The following GLCE variants were observed in gnomAD, a reference collection of about 807,000 sequenced individuals.
GLCE encodes D-glucuronyl C5-epimerase.
In GLCE, 19 loss-of-function variants were observed where a neutral mutation model predicts 47.9. That is an observed-to-expected ratio of 0.40 (90% CI 0.28 to 0.58). The LOEUF (loss-of-function observed/expected upper bound fraction) is 0.58. Among genes scored for constraint, GLCE ranks in the 20% least tolerant of loss-of-function variants. GLCE has a pLI of 0.48. For missense variants in GLCE, 556 were observed against 743.3 expected (o/e 0.75, Z 2.93); for synonymous variants, 245 against 263.4 (o/e 0.93, Z 0.68).
At chr15:69,260,251 GGTTTTTTTTTTTT>G (rs2052993150) in intron 3 of GLCE, among the ~76,000 whole-genome samples, 1 of 122,656 alleles carries the variant, frequency 8.2e-6, no homozygotes, top group Admixed American at 9.5e-5. Flanking sequence ...AGTCACAACT[GGTTTTTTTTTTTT>G]TTTTTTTTTT....
At chr15:69,207,581 G>C (rs2052169674) in intron 1 of GLCE, among the ~76,000 whole-genome samples, 1 of 152,030 alleles carries the variant, frequency 6.6e-6, no homozygotes, top group Non-Finnish European at 1.5e-5. Flanking sequence ...GAATCAAATA[G>C]TTCATTCCTT....
At position 69,256,382 on chromosome 15, in the gene GLCE, T is replaced by G. The variant is rs1281666763; in HGVS notation, c.576T>G (p.Ser192Arg). The G allele has an allele frequency of 6.2e-7, 1 of 1,607,602 alleles. No homozygotes were observed. Among genetic ancestry groups the G allele is most frequent in the Non-Finnish European group, 8.5e-7 (1 of 1,176,248 alleles). ...TCCGAGACAGAGTCAAGTGCATAAG[T>G]GGGGTTGAAGGTTGGTATCTGTCTG... ...VEVRDRVKCI[S>R]GVEGVPLSTQ... The change falls in exon 3 of 5, where the codon AGT becomes AGG. Residue 192 changes from serine to arginine, a missense_variant. Ser to Arg is a moderately radical substitution (Grantham distance 110, BLOSUM62 -1). Transcript: ENST00000261858.
At chr15:69,182,970 G>T (rs1389653950) in intron 1 of GLCE, among the ~76,000 whole-genome samples, 9 of 152,132 alleles carry the variant, frequency 5.9e-5, no homozygotes, top group African/African-American at 2.2e-4. Context: ...CTGCACTCCA[G>T]CCTGGGCGAC....
At chr15:69,226,190 T>C (rs1041079424) in intron 2 of GLCE, among the ~76,000 whole-genome samples, 1 of 152,220 alleles carries the variant, frequency 6.6e-6, no homozygotes, top group Non-Finnish European at 1.5e-5. Flanking sequence ...TGAGTTAGAA[T>C]TGAGTATTTG....
intron 1 of GLCE, among the ~76,000 whole-genome samples, chr15:69,195,329 T>C (rs762482955): frequency 4.6e-5 from 7 of 152,058 alleles, no homozygotes; most frequent in Non-Finnish European, 8.8e-5. Flanking sequence ...TTAAAATCAC[T>C]GATAGCTTAG....
At chr15:69,206,623 C>T (rs2052155900) in intron 1 of GLCE, among the ~76,000 whole-genome samples, 1 of 151,904 alleles carries the variant, frequency 6.6e-6, no homozygotes, top group South Asian at 2.1e-4. Flanking sequence ...GTGTTGGTCC[C>T]TGTATTCCTT....
At position 69,269,920 on chromosome 15, in the gene GLCE, A is replaced by G. The variant is rs745460408; in HGVS notation, c.*676A>G. The G allele has an allele frequency of 1.3e-5, 2 of 152,652 alleles. No homozygotes were observed. The highest frequency in any genetic ancestry group is 2.9e-5 in the Non-Finnish European group (2 of 68,036). The allele number at this position is 152,652 out of a possible 1,614,324, so 9.5% of individuals were successfully genotyped here. On this transcript the variant is annotated 3_prime_UTR_variant, in exon 5 of 5. Transcript: ENST00000261858. ...CTAAAATGAAACTTGTTGACTGCAC[A>G]AGAAATTACAAAAATGTTTCTGTTT... is the stretch of plus-strand genomic sequence containing the variant.
chr15:69,209,524 C>G (rs1353151220), intron 1 of GLCE, among the ~76,000 whole-genome samples: 2 of 152,078 alleles, frequency 1.3e-5, no homozygotes, highest in Non-Finnish European at 2.9e-5. Context: ...CACATGTGTA[C>G]CACCCATTGC....
At chr15:69,171,940 G>A (rs76046205) in intron 1 of GLCE, among the ~76,000 whole-genome samples, 1,769 of 152,124 alleles carry the variant, frequency 0.012, 32 homozygotes, top group African/African-American at 0.041. Flanking sequence ...TTTGTCAGAG[G>A]GAAGAGATCA....
At chr15:69,268,122 T>C (rs1356267133) in intron 4 of GLCE, 98 bp from the exon 5 acceptor site, 2 of 685,992 alleles carry the variant, frequency 2.9e-6, no homozygotes, top group African/African-American at 3.6e-5. Flanking sequence ...GTGTTAATTT[T>C]GTGCGGTCAG....
chr15:69,174,869 G>A (rs1215606248), intron 1 of GLCE, among the ~76,000 whole-genome samples: 1 of 151,770 alleles, frequency 6.6e-6, no homozygotes, highest in Non-Finnish European at 1.5e-5. Context: ...AAGTCATCTC[G>A]GGTTCTTCTA....
At chr15:69,261,530 A>G (rs997262859) in intron 4 of GLCE, among the ~76,000 whole-genome samples, 1 of 152,206 alleles carries the variant, frequency 6.6e-6, no homozygotes, top group African/African-American at 2.4e-5. Context: ...AGGAATATTT[A>G]CTATGTAAAG....
At position 69,267,094 on chromosome 15, in the gene GLCE, T is replaced by C. The variant is rs551592027; in HGVS notation, c.830-1126T>C. 2.0e-5 allele frequency among the ~76,000 whole-genome samples: 3 copies of C among 152,366 alleles called. No individual in the cohort carries two copies. In the South Asian group the frequency reaches 6.2e-4, roughly 32 times the overall value. On this transcript the variant is annotated intron_variant, in intron 4 of 4. Transcript: ENST00000261858. ...GCTACTGCTATTTTAATATGCTCAG[T>C]TTCTTGGTAGATCTAGATGAGCAGT...
intron 1 of GLCE, among the ~76,000 whole-genome samples, chr15:69,161,370 TG>T (rs1228197986): frequency 6.7e-6 from 1 of 148,898 alleles, no homozygotes; most frequent in Non-Finnish European, 1.5e-5. Context: ...TCCGTTCCGC[TG>T]GGGCCGGGGC....
intron 4 of GLCE, 73 bp from the exon 5 acceptor site, chr15:69,268,147 A>G: frequency 1.1e-6 from 1 of 879,262 alleles, no homozygotes; most frequent in Non-Finnish European, 1.8e-6. Flanking sequence ...TTCAAGGATG[A>G]ATTGCAATTC....
chr15:69,161,062 A>G (rs2140317394), intron 1 of GLCE, among the ~76,000 whole-genome samples: 1 of 152,028 alleles, frequency 6.6e-6, no homozygotes, highest in Non-Finnish European at 1.5e-5. Flanking sequence ...ACGGGGTCCT[A>G]GGTCTTTGAC....
At chr15:69,259,923 C>T (rs1014734425) in intron 3 of GLCE, among the ~76,000 whole-genome samples, 10 of 152,190 alleles carry the variant, frequency 6.6e-5, no homozygotes, top group African/African-American at 2.4e-4. Context: ...CTGCTGTGCT[C>T]ATCAGATTCT....
intron 4 of GLCE, among the ~76,000 whole-genome samples, chr15:69,262,152 CTG>C (rs1329211422): frequency 9.9e-5 from 15 of 152,188 alleles, no homozygotes; most frequent in Non-Finnish European, 1.5e-4. Flanking sequence ...TCATTGATGA[CTG>C]TGTAATTTAC....
intron 1 of GLCE, among the ~76,000 whole-genome samples, chr15:69,185,287 A>G (rs7176711): frequency 6.6e-5 from 10 of 152,348 alleles, no homozygotes; most frequent in African/African-American, 2.4e-4. Context: ...AAGATTGAAG[A>G]TAGTTGGCAA....
Sources: allele counts gnomAD v4.1 joint callset (sites outside exome capture counted in the v4.1 genomes callset), GRCh38; gene constraint gnomAD v4.1.1; transcripts MANE v1.5; gene names NCBI Gene and HGNC (gene_info 2026-07-23, HGNC 2026-07-21).